Variants in ARHGAP24 observed in about 807,000 individuals in gnomAD.
The protein encoded by ARHGAP24 is Rho GTPase activating protein 24.
A neutral mutation model predicts 76.4 loss-of-function variants in ARHGAP24; 50 were observed. That is an observed-to-expected ratio of 0.65 (90% CI 0.52 to 0.83). ARHGAP24 has a LOEUF of 0.83. Ranked by LOEUF, ARHGAP24 falls within the 40% of genes least tolerant of loss-of-function variation. ARHGAP24 has a pLI of 0.00. For missense variants in ARHGAP24, 930 were observed against 914.2 expected (o/e 1.02, Z -0.22); for synonymous variants, 345 against 323.3 (o/e 1.07, Z -0.72).
intron 3 of ARHGAP24, among the ~76,000 whole-genome samples, chr4:85,736,413 G>A (rs1725608946): frequency 1.3e-5 from 2 of 152,156 alleles, no homozygotes; most frequent in African/African-American, 4.8e-5. Context: ...GGCACAGGAA[G>A]GTAGTGTAAT....
chr4:85,843,768 T>C lies in ARHGAP24; in HGVS notation c.269-79880T>C, dbSNP rs190688267. 1.8e-4 allele frequency among the ~76,000 whole-genome samples: 27 copies of C among 152,258 alleles called. No homozygotes were observed. In the East Asian group the frequency reaches 5.2e-3, roughly 29 times the overall value. The stretch of plus-strand genomic sequence containing the variant: ...AAAAATCAACAAGAATTAGAAAACA[T>C]GTTGGAAATTTAAGCCATAGACTAT... On this transcript the variant is annotated intron_variant, in intron 3 of 9. Transcript: ENST00000395184.
At chr4:85,942,628 A>G (rs949828837) in intron 5 of ARHGAP24, among the ~76,000 whole-genome samples, 1 of 152,204 alleles carries the variant, frequency 6.6e-6, no homozygotes, top group Non-Finnish European at 1.5e-5. Context: ...TAAAAGTATT[A>G]TGAGTAGAGA....
chr4:85,547,678 C>T lies in ARHGAP24; in HGVS notation c.-20-22844C>T, dbSNP rs146615539. The stretch of plus-strand genomic sequence containing the variant: ...CTCAAACACCTGAGCTCAAGCAATC[C>T]GCCCACCTCAGCCTCCCGAAGTGCT... On this transcript the variant is annotated intron_variant, in intron 1 of 9. Transcript: ENST00000395184. Among the ~76,000 whole-genome samples the T allele has an allele frequency of 2.5e-3, 373 of 152,212 alleles. 3 individuals carry two copies. Among genetic ancestry groups the T allele is most frequent in the African/African-American group, 8.7e-3 (361 of 41,532 alleles).
At chr4:85,957,923 A>G (rs556260236) in intron 5 of ARHGAP24, among the ~76,000 whole-genome samples, 11 of 152,334 alleles carry the variant, frequency 7.2e-5, no homozygotes, top group Admixed American at 6.5e-4. Flanking sequence ...TGCATCTAGA[A>G]TTGGGAGTAT....
intron 2 of ARHGAP24, 145 bp downstream of exon 2, chr4:85,570,866 C>T: frequency 3.3e-6 from 3 of 914,226 alleles, no homozygotes; most frequent in Non-Finnish European, 4.9e-6. Flanking sequence ...TTACCCATTG[C>T]TTGCTTTGAG....
At chr4:85,975,015 T>C (rs1382409394) in intron 7 of ARHGAP24, 54 bp downstream of exon 7, 2 of 1,493,570 alleles carry the variant, frequency 1.3e-6, no homozygotes, top group Non-Finnish European at 1.9e-6. Flanking sequence ...TTTAGCCTGA[T>C]ACTAATTTGT....
rs184543832 is a variant in ARHGAP24 at position 85,481,303 on chromosome 4, A to G, written c.-21+5744A>G. On this transcript the variant is annotated intron_variant, in intron 1 of 9. Coordinates refer to ENST00000395184, the MANE Select transcript of ARHGAP24 (RefSeq NM_001025616.3). ...ACTTGAACATCAAAACCACATCTGC[A>G]TAAGTCCAAATACCCTGACATATTT... is the stretch of plus-strand genomic sequence containing the variant. Among the ~76,000 whole-genome samples, 79 of 152,370 alleles carry G rather than the reference A, an allele frequency of 5.2e-4. No individual in the cohort carries two copies. In the South Asian group the frequency reaches 0.011, roughly 22 times the overall value.
intron 2 of ARHGAP24, among the ~76,000 whole-genome samples, chr4:85,580,203 AT>A (rs1727553174): frequency 1.3e-5 from 2 of 151,868 alleles, no homozygotes. Flanking sequence ...CATGAGCTGG[AT>A]AATCTTTCCT....
intron 1 of ARHGAP24, among the ~76,000 whole-genome samples, chr4:85,556,438 C>T (rs1008606494): frequency 6.6e-6 from 1 of 152,108 alleles, no homozygotes; most frequent in Admixed American, 6.5e-5. Flanking sequence ...GGGCTCCTCT[C>T]CATATGATAG....
chr4:85,574,559 G>A (rs1232070828), intron 2 of ARHGAP24, among the ~76,000 whole-genome samples: 1 of 152,174 alleles, frequency 6.6e-6, no homozygotes, highest in South Asian at 2.1e-4. Context: ...TGTATGGCAA[G>A]AATGCAGTTA....
At position 85,910,832 on chromosome 4, in the gene ARHGAP24, C is replaced by T. The variant is rs531941297; in HGVS notation, c.269-12816C>T. On this transcript the variant is annotated intron_variant, in intron 3 of 9. Coordinates refer to ENST00000395184, the MANE Select transcript of ARHGAP24 (RefSeq NM_001025616.3). ...TTCACAAGTTCCCACTCCTGTCCCT[C>T]GGTGAGACTGGCTACCTGGCCCCCA... Among the ~76,000 whole-genome samples, 19 of 152,224 alleles carry T rather than the reference C, an allele frequency of 1.2e-4. No individual in the cohort carries two copies. The East Asian group carries it at 1.6e-3, about 12-fold the overall frequency.
chr4:85,918,712 G>A (rs9990845), intron 3 of ARHGAP24, among the ~76,000 whole-genome samples: 16,998 of 151,908 alleles, frequency 0.11, 1,007 homozygotes, highest in South Asian at 0.16. Flanking sequence ...TTTTAAGAAA[G>A]AAAAATTTAT....
intron 1 of ARHGAP24, among the ~76,000 whole-genome samples, chr4:85,501,472 C>A (rs1213449426): frequency 6.6e-6 from 1 of 152,178 alleles, no homozygotes; most frequent in Non-Finnish European, 1.5e-5. Context: ...TCTCTGATGG[C>A]CAGTGATGAT....
chr4:85,898,122 G>T (rs1266254683), intron 3 of ARHGAP24, among the ~76,000 whole-genome samples: 1 of 150,512 alleles, frequency 6.6e-6, no homozygotes, highest in Admixed American at 6.7e-5. Context: ...GTCACTAAAT[G>T]AAATTGTCTC....
chr4:85,911,526 G>A (rs572093278), intron 3 of ARHGAP24, among the ~76,000 whole-genome samples: 56 of 152,326 alleles, frequency 3.7e-4, no homozygotes, highest in African/African-American at 1.3e-3. Context: ...AAAAATGGGT[G>A]ACTTTTAAAA....
intron 4 of ARHGAP24, among the ~76,000 whole-genome samples, chr4:85,939,670 A>G (rs17011240): frequency 0.045 from 6,784 of 152,220 alleles, 525 homozygotes; most frequent in African/African-American, 0.16. Flanking sequence ...AAAGCAAAAC[A>G]TCCCTTTCTT....
chr4:85,516,714 GTT>G (rs1724520991), intron 1 of ARHGAP24, among the ~76,000 whole-genome samples: 2 of 148,474 alleles, frequency 1.3e-5, no homozygotes, highest in Non-Finnish European at 3.0e-5. Context: ...TGGGATACAT[GTT>G]GCAGATGTTT....
chr4:85,803,936 TTTTTTC>T (rs1212232346), intron 3 of ARHGAP24, among the ~76,000 whole-genome samples: 1 of 151,534 alleles, frequency 6.6e-6, no homozygotes, highest in East Asian at 2.0e-4. Flanking sequence ...AAATTCTTTT[TTTTTTC>T]TTTTTCTTTT....
At chr4:85,847,019 GGAC>G (rs1407307449) in intron 3 of ARHGAP24, among the ~76,000 whole-genome samples, 4 of 152,106 alleles carry the variant, frequency 2.6e-5, no homozygotes, top group Non-Finnish European at 5.9e-5. Flanking sequence ...AAACAAAAGG[GGAC>G]AGTGTGAGGG....
Sources: allele counts gnomAD v4.1 joint callset (sites outside exome capture counted in the v4.1 genomes callset), GRCh38; gene constraint gnomAD v4.1.1; transcripts MANE v1.5; gene names NCBI Gene and HGNC (gene_info 2026-07-23, HGNC 2026-07-21).